HDAC9: variants seen among roughly 807,000 people sequenced by gnomAD.
HDAC9 encodes the protein histone deacetylase 9.
In HDAC9, 41 loss-of-function variants were observed where a neutral mutation model predicts 139.4. The ratio of observed to expected loss-of-function variants is 0.29; its 90% CI spans 0.23 to 0.38. The LOEUF (loss-of-function observed/expected upper bound fraction) is 0.38. Ranked by LOEUF, HDAC9 falls within the 10% of genes least tolerant of loss-of-function variation. The probability of loss-of-function intolerance (pLI) is 1.00; values close to 1 mark genes in which losing one functional copy is unlikely to be tolerated. For missense variants in HDAC9, 1,147 were observed against 1,297.0 expected (o/e 0.88, Z 1.78); for synonymous variants, 517 against 476.2 (o/e 1.09, Z -1.12).
chr7:18,676,089 C>T (rs1214856496), intron 12 of HDAC9, among the ~76,000 whole-genome samples: 1 of 152,012 alleles, frequency 6.6e-6, no homozygotes, highest in Non-Finnish European at 1.5e-5. Flanking sequence ...CTTTAATTCT[C>T]ACCCTATTAT....
intron 2 of HDAC9, among the ~76,000 whole-genome samples, chr7:18,207,669 T>C (rs1237317088): frequency 6.7e-6 from 1 of 149,474 alleles, no homozygotes; most frequent in East Asian, 2.0e-4. Context: ...CACACACACT[T>C]ACATACTGTC....
intron 12 of HDAC9, among the ~76,000 whole-genome samples, chr7:18,720,626 G>GC (rs1785069755): frequency 1.4e-5 from 2 of 141,844 alleles, no homozygotes; most frequent in African/African-American, 5.4e-5. Context: ...CTTTACCTTA[G>GC]TAAAAAAAAA....
chr7:18,944,266 G>A (rs927896951), intron 23 of HDAC9, among the ~76,000 whole-genome samples: 2 of 152,052 alleles, frequency 1.3e-5, no homozygotes, highest in Admixed American at 6.5e-5. Flanking sequence ...TTCTTCCAAC[G>A]TTCCACAATA....
At chr7:18,645,283 G>C (rs1003168381) in intron 9 of HDAC9, among the ~76,000 whole-genome samples, 1 of 152,116 alleles carries the variant, frequency 6.6e-6, no homozygotes, top group Non-Finnish European at 1.5e-5. Flanking sequence ...TTTATTTTGG[G>C]AATTTAAGTT....
At chr7:18,439,858 G>A (rs79699545) in intron 1 of HDAC9, among the ~76,000 whole-genome samples, 1 of 151,976 alleles carries the variant, frequency 6.6e-6, no homozygotes, top group Non-Finnish European at 1.5e-5. Context: ...CACACAAAAT[G>A]TAAAATGTAT....
chr7:18,149,335 A>G (rs1786577897), intron 1 of HDAC9, among the ~76,000 whole-genome samples: 1 of 149,180 alleles, frequency 6.7e-6, no homozygotes. Flanking sequence ...ATTAATTCTT[A>G]TAATAATTAA....
chr7:18,495,672 A>G, upstream of HDAC9: 1 of 874,682 alleles, frequency 1.1e-6, no homozygotes, highest in Non-Finnish European at 1.4e-6. Flanking sequence ...CCTGTGGGCC[A>G]TGCTGTTGTT....
At chr7:18,312,500 T>C (rs1460832184) in intron 1 of HDAC9, among the ~76,000 whole-genome samples, 1 of 152,174 alleles carries the variant, frequency 6.6e-6, no homozygotes, top group Non-Finnish European at 1.5e-5. Flanking sequence ...TAGTAGTTCA[T>C]TGTGTGGGTT....
chr7:18,477,672 C>G (rs1283523030), intron 1 of HDAC9, among the ~76,000 whole-genome samples: 2 of 152,112 alleles, frequency 1.3e-5, no homozygotes, highest in Admixed American at 6.5e-5. Context: ...TATCATTTGA[C>G]AAATTACATA....
intron 16 of HDAC9, among the ~76,000 whole-genome samples, chr7:18,784,943 T>TTGTGTGTGTGTGTGTG (rs147840943): frequency 2.3e-3 from 66 of 28,172 alleles, no homozygotes; most frequent in African/African-American, 3.9e-3. Flanking sequence ...TAGCAATTGC[T>TTGTGTGTGTGTGTGTG]TGTGTGTGTG....
At position 18,148,839 on chromosome 7, in the gene HDAC9, C is replaced by T. The variant is rs138849149; in HGVS notation, c.-96-13390C>T. 4.1e-4 allele frequency among the ~76,000 whole-genome samples: 62 copies of T among 152,232 alleles called. 1 individual carries two copies. The East Asian group carries it at 0.012, about 28-fold the overall frequency. On this transcript the variant is annotated intron_variant, in intron 1 of 12. Coordinates refer to the HDAC9 transcript ENST00000417496. ...CCAGGATAATCTTATGATTTTAGGT[C>T]ATTTTATTAGCAACCTAAATTCTAC...
At chr7:18,103,351 T>C (rs569693990) in intron 1 of HDAC9, among the ~76,000 whole-genome samples, 1 of 152,312 alleles carries the variant, frequency 6.6e-6, no homozygotes, top group South Asian at 2.1e-4. Context: ...TATTTTATTT[T>C]ATATTCGGGG....
intron 21 of HDAC9, among the ~76,000 whole-genome samples, chr7:18,868,524 C>A (rs547810473): frequency 1.2e-3 from 182 of 152,208 alleles, no homozygotes; most frequent in African/African-American, 4.2e-3. Flanking sequence ...TTAAGTCCTG[C>A]CTGTTTTCTG....
intron 6 of HDAC9, among the ~76,000 whole-genome samples, chr7:18,619,451 A>C (rs1388312925): frequency 6.6e-6 from 1 of 152,192 alleles, no homozygotes; most frequent in Non-Finnish European, 1.5e-5. Flanking sequence ...AAGATCAATG[A>C]TTACATTATA....
At chr7:18,104,790 G>C (rs78827907) in intron 1 of HDAC9, among the ~76,000 whole-genome samples, 22,657 of 152,016 alleles carry the variant, frequency 0.15, 2,074 homozygotes, top group East Asian at 0.29. Context: ...TACTCTGTAA[G>C]GGAGATCACA....
chr7:18,585,177 T>C (rs2073974), intron 2 of HDAC9, 104 bp from the exon 3 acceptor site: 670,746 of 1,263,004 alleles, frequency 0.53, 180,014 homozygotes, highest in East Asian at 0.69. Flanking sequence ...TAAAATTTGT[T>C]GTACAGGGTC....
In HDAC9 at chr7:18,892,930, A is replaced by AC. The variant is rs35711806; in HGVS notation, c.2803+18334_2803+18335insC. Among the ~76,000 whole-genome samples the AC allele has an allele frequency of 8.1e-3, 1,062 of 131,486 alleles. 5 individuals are homozygous for AC. The highest frequency in any genetic ancestry group is 0.013 in the Non-Finnish European group (827 of 64,218). 86.3% of individuals were successfully genotyped at this position (131,486 alleles called of 152,430 possible). ...AAGGAACTTAAGTTTATGTCAGATCATTTTTTTTTCCTCCCAGGTTGTTAC... is the reference window on the plus strand; with the variant it reads ...AAGGAACTTAAGTTTATGTCAGATCACTTTTTTTTTCCTCCCAGGTTGTTAC... On this transcript the variant is annotated intron_variant, in intron 22 of 25. Transcript: ENST00000686413.
intron 16 of HDAC9, among the ~76,000 whole-genome samples, chr7:18,782,043 G>A (rs565849880): frequency 1.9e-4 from 29 of 152,196 alleles, no homozygotes; most frequent in Non-Finnish European, 3.2e-4. Context: ...GTTGAGTCTG[G>A]TGTCTGTCAA....
intron 1 of HDAC9, among the ~76,000 whole-genome samples, chr7:18,401,250 C>T (rs1787512944): frequency 6.6e-6 from 1 of 152,126 alleles, no homozygotes; most frequent in Non-Finnish European, 1.5e-5. Context: ...TTCCAGGGCT[C>T]CTTGAGAAAA....
Sources: gnomAD v4.1 joint callset for allele counts (sites outside exome capture counted in the v4.1 genomes callset) on GRCh38, gnomAD v4.1.1 for gene constraint, MANE v1.5 for transcripts, NCBI Gene and HGNC (gene_info 2026-07-23, HGNC 2026-07-21) for gene names.